The following FOCAD variants were observed in gnomAD, a reference collection of about 807,000 sequenced individuals.
The protein encoded by FOCAD is focadhesin.
Under a neutral mutation model 225.6 loss-of-function variants are expected in FOCAD, and 198 were observed. That is an observed-to-expected ratio of 0.88 (90% CI 0.78 to 0.99). The LOEUF (loss-of-function observed/expected upper bound fraction) is 0.99, where lower values mean the gene tolerates loss of function less well. Among genes scored for constraint, FOCAD ranks in the 50% least tolerant of loss-of-function variants. FOCAD has a pLI of 0.00. For synonymous variants in FOCAD, 897 were observed against 755.0 expected, an observed-to-expected ratio of 1.19 and a Z score of -3.08; for missense variants, 2,713 against 2,123.6, an observed-to-expected ratio of 1.28 and a Z score of -5.46.
chr9:20,753,810 A>G (rs1249766084), intron 5 of FOCAD, among the ~76,000 whole-genome samples: 1 of 150,330 alleles, frequency 6.7e-6, no homozygotes, highest in African/African-American at 2.5e-5. Context: ...AATAACGATG[A>G]TAATGTGCAG....
At chr9:20,888,509 A>G (rs977249150) in intron 21 of FOCAD, among the ~76,000 whole-genome samples, 10 of 152,162 alleles carry the variant, frequency 6.6e-5, no homozygotes, top group Non-Finnish European at 5.9e-5. Flanking sequence ...AAATTTTACA[A>G]AATGGTTCTT....
intron 15 of FOCAD, among the ~76,000 whole-genome samples, chr9:20,860,050 G>T (rs1828619734): frequency 6.6e-6 from 1 of 152,102 alleles, no homozygotes; most frequent in South Asian, 2.1e-4. Flanking sequence ...ATGAGGAATT[G>T]TATGGTAGTT....
intron 21 of FOCAD, among the ~76,000 whole-genome samples, chr9:20,901,554 G>A (rs1373040462): frequency 6.6e-6 from 1 of 151,734 alleles, no homozygotes; most frequent in Admixed American, 6.6e-5. Flanking sequence ...TCACTCAAGA[G>A]GTGGAATGCA....
chr9:20,857,695 A>G (rs1828324878), intron 15 of FOCAD, among the ~76,000 whole-genome samples: 2 of 150,354 alleles, frequency 1.3e-5, no homozygotes, highest in South Asian at 4.2e-4. Context: ...AGTTTTCCCC[A>G]TTCAGTATTC....
At chr9:20,794,951 T>A (rs1167774285) in intron 11 of FOCAD, among the ~76,000 whole-genome samples, 4 of 152,192 alleles carry the variant, frequency 2.6e-5, no homozygotes, top group African/African-American at 4.8e-5. Context: ...CATACAAAAT[T>A]GAAAACGAAT....
intron 1 of FOCAD, among the ~76,000 whole-genome samples, chr9:20,692,628 G>T (rs1333630132): frequency 6.6e-6 from 1 of 152,220 alleles, no homozygotes; most frequent in Non-Finnish European, 1.5e-5. Context: ...GGCACTGGTA[G>T]GTTTGGAGGC....
chr9:20,983,170 C>T (rs1389909343), intron 39 of FOCAD, among the ~76,000 whole-genome samples: 1 of 152,156 alleles, frequency 6.6e-6, no homozygotes, highest in Non-Finnish European at 1.5e-5. Context: ...TCTTGAGCCC[C>T]CATCTAGGCC....
At chr9:20,884,731 T>G (rs1301862977) in intron 20 of FOCAD, among the ~76,000 whole-genome samples, 2 of 152,174 alleles carry the variant, frequency 1.3e-5, no homozygotes, top group African/African-American at 4.8e-5. Context: ...TGATTATCAG[T>G]TACTGAGAAT....
intron 4 of FOCAD, among the ~76,000 whole-genome samples, chr9:20,728,150 T>G (rs990564904): frequency 6.6e-6 from 1 of 151,628 alleles, no homozygotes; most frequent in Non-Finnish European, 1.5e-5. Context: ...TAAAAAAAAA[T>G]TTTTTTTGAA....
chr9:20,986,595 C>T, intron 40 of FOCAD, 130 bp downstream of exon 40: 1 of 680,056 alleles, frequency 1.5e-6, no homozygotes, highest in East Asian at 3.3e-5. Flanking sequence ...CTTCTGGTGC[C>T]AAATGAGGAG....
chr9:20,686,237 A>G (rs1822658031), intron 1 of FOCAD, among the ~76,000 whole-genome samples: 1 of 152,130 alleles, frequency 6.6e-6, no homozygotes, highest in Non-Finnish European at 1.5e-5. Flanking sequence ...GCTCACTGCA[A>G]CCTCCGCCTC....
At chr9:20,692,062 T>C (rs148086238) in intron 1 of FOCAD, among the ~76,000 whole-genome samples, 17 of 152,308 alleles carry the variant, frequency 1.1e-4, no homozygotes, top group African/African-American at 4.1e-4. Context: ...AGTATTAGCT[T>C]TAAATACTAG....
intron 21 of FOCAD, among the ~76,000 whole-genome samples, chr9:20,889,104 A>C (rs1831386296): frequency 6.6e-6 from 1 of 152,200 alleles, no homozygotes; most frequent in Non-Finnish European, 1.5e-5. Flanking sequence ...CAGAAAAGAA[A>C]CTGTGTACCC....
chr9:20,914,675 TA>T (rs1833729216), intron 23 of FOCAD, among the ~76,000 whole-genome samples: 1 of 151,864 alleles, frequency 6.6e-6, no homozygotes, highest in African/African-American at 2.4e-5. Context: ...GACATGAGAG[TA>T]GAGAAGTTCG....
intron 1 of FOCAD, among the ~76,000 whole-genome samples, chr9:20,706,061 A>G (rs1313163836): frequency 1.3e-5 from 2 of 150,936 alleles, no homozygotes; most frequent in Non-Finnish European, 2.9e-5. Flanking sequence ...CAGCCTCCCA[A>G]GTAGCTGTTT....
intron 10 of FOCAD, among the ~76,000 whole-genome samples, chr9:20,784,559 T>G (rs1819721871): frequency 6.6e-6 from 1 of 152,160 alleles, no homozygotes; most frequent in Admixed American, 6.5e-5. Context: ...TTCTTGTAAT[T>G]GTACAGGAGG....
In FOCAD at chr9:20,885,019, A is replaced by G. The variant is rs560461615; in HGVS notation, c.2504-90A>G. On this transcript the variant is annotated intron_variant, in intron 20 of 43. Coordinates refer to ENST00000338382, the MANE Select transcript of FOCAD (RefSeq NM_001375567.1). ...GGTTGCAGTGAGCTGAGATTGCACCACTGCACTCCAGCCTGGGCAACAGAG... is the reference window on the plus strand; with the variant it reads ...GGTTGCAGTGAGCTGAGATTGCACCGCTGCACTCCAGCCTGGGCAACAGAG... The G allele has an allele frequency of 1.4e-5, 10 of 733,552 alleles. No homozygotes were observed. In the South Asian group the frequency reaches 5.0e-4, roughly 37 times the overall value. The allele number at this position is 733,552 out of a possible 1,614,324, so 45.4% of individuals were successfully genotyped here.
At chr9:20,726,366 T>C (rs1030972600) in intron 4 of FOCAD, 3 of 152,160 alleles carry the variant, frequency 2.0e-5, no homozygotes, top group African/African-American at 7.2e-5. Flanking sequence ...GTTTTGATAC[T>C]GAGGTGTCAT....
At chr9:20,978,495 G>T (rs1359650594) in intron 37 of FOCAD, 41 bp downstream of exon 37, 1 of 1,332,478 alleles carries the variant, frequency 7.5e-7, no homozygotes, top group Admixed American at 2.0e-5. Context: ...GGAGGATATT[G>T]TTCTTTAGGA....
Sources: gnomAD v4.1 joint callset for allele counts (sites outside exome capture counted in the v4.1 genomes callset) on GRCh38, gnomAD v4.1.1 for gene constraint, MANE v1.5 for transcripts, NCBI Gene and HGNC (gene_info 2026-07-23, HGNC 2026-07-21) for gene names.